TRAPPC3L: variants seen among roughly 807,000 people sequenced by gnomAD.
TRAPPC3L encodes the protein trafficking protein particle complex subunit 3L, also known as trafficking protein particle complex subunit 3-like protein.
A neutral mutation model predicts 23.7 loss-of-function variants in TRAPPC3L; 23 were observed. That is an observed-to-expected ratio of 0.97 (90% CI 0.70 to 1.37). The LOEUF (loss-of-function observed/expected upper bound fraction) is 1.37, where lower values mean the gene tolerates loss of function less well. Ranked by LOEUF, TRAPPC3L falls within the 40% of genes most tolerant of loss-of-function variation. The probability of loss-of-function intolerance (pLI) is 0.00; values close to 1 mark genes in which losing one functional copy is unlikely to be tolerated. For synonymous variants in TRAPPC3L, 81 were observed against 77.9 expected, an observed-to-expected ratio of 1.04 and a Z score of -0.21; for missense variants, 212 against 216.8, an observed-to-expected ratio of 0.98 and a Z score of 0.14.
intron 3 of TRAPPC3L, among the ~76,000 whole-genome samples, chr6:116,513,185 T>C (rs1772159143): frequency 6.6e-6 from 1 of 152,196 alleles, no homozygotes; most frequent in Non-Finnish European, 1.5e-5. Flanking sequence ...TTTTACTTTT[T>C]CGACAAGGAT....
At chr6:116,512,985 G>A (rs1434260220) in intron 3 of TRAPPC3L, among the ~76,000 whole-genome samples, 1 of 152,164 alleles carries the variant, frequency 6.6e-6, no homozygotes, top group African/African-American at 2.4e-5. Flanking sequence ...ATGCAGGGAA[G>A]TAGCCTGTCA....
chr6:116,512,887 C>T (rs902401422), intron 3 of TRAPPC3L, among the ~76,000 whole-genome samples: 2 of 152,150 alleles, frequency 1.3e-5, no homozygotes, highest in African/African-American at 4.8e-5. Context: ...TTGTGCTGTA[C>T]AGCTAAAGGG....
intron 3 of TRAPPC3L, among the ~76,000 whole-genome samples, chr6:116,502,982 C>T (rs1562336269): frequency 6.6e-6 from 1 of 152,118 alleles, no homozygotes. Flanking sequence ...GGCAAAATAA[C>T]CAGCTAGCAT....
intron 3 of TRAPPC3L, among the ~76,000 whole-genome samples, chr6:116,501,790 T>A (rs1771919773): frequency 1.3e-5 from 2 of 152,122 alleles, no homozygotes; most frequent in Non-Finnish European, 2.9e-5. Flanking sequence ...TGCCTGTCTG[T>A]TAGAAGGAAA....
chr6:116,505,979 C>T (rs2115158799), intron 3 of TRAPPC3L, among the ~76,000 whole-genome samples: 1 of 152,334 alleles, frequency 6.6e-6, no homozygotes, highest in African/African-American at 2.4e-5. Context: ...ATGACTAAAA[C>T]ACCAAAAGCA....
At chr6:116,527,277 G>C (rs185871505) in intron 3 of TRAPPC3L, among the ~76,000 whole-genome samples, 2 of 152,024 alleles carry the variant, frequency 1.3e-5, no homozygotes, top group African/African-American at 4.8e-5. Flanking sequence ...CAGCACTTTG[G>C]GGGGCCGAGA....
chr6:116,544,204 G>A (rs2115252603), intron 1 of TRAPPC3L, among the ~76,000 whole-genome samples: 1 of 149,426 alleles, frequency 6.7e-6, no homozygotes, highest in East Asian at 2.0e-4. Flanking sequence ...GTTGTGACTA[G>A]CAGTAAAACA....
intron 3 of TRAPPC3L, chr6:116,515,989 G>A (rs1294044373): frequency 1.3e-6 from 2 of 1,582,978 alleles, no homozygotes; most frequent in African/African-American, 2.7e-5. Context: ...ACAATATGTA[G>A]CTCATCCACC....
intron 1 of TRAPPC3L, chr6:116,543,820 C>T (rs899196835): frequency 6.5e-7 from 1 of 1,534,172 alleles, no homozygotes. Context: ...CCTAATGGCC[C>T]CCAGATCTGC....
rs370126388 is a variant in TRAPPC3L at position 116,500,652 on chromosome 6, C to T, written c.255G>A (p.Met85Ile). The change falls in exon 4 of 5, where the codon ATG (methionine) becomes ATA (isoleucine). Residue 85 changes from methionine to isoleucine, a missense_variant. By Grantham distance (10) the Met-to-Ile change is conservative. Transcript: ENST00000368602. The stretch of plus-strand genomic sequence containing the variant: ...TCACACTTGGTGTAATTCCCAGGTA[C>T]ATCTTGAAAGCAACCTGATAAGAAA... ...IDIIAQVAFKMYLGITPSVTC... is the reference protein window; with the variant it reads ...IDIIAQVAFKIYLGITPSVTC... 6.4e-6 allele frequency: 10 copies of T among 1,551,220 alleles called. No individual in the cohort carries two copies. In the African/African-American group the frequency reaches 1.2e-4, roughly 19 times the overall value.
At chr6:116,540,845 T>C (rs1216174868) in intron 2 of TRAPPC3L, among the ~76,000 whole-genome samples, 1 of 152,178 alleles carries the variant, frequency 6.6e-6, no homozygotes, top group African/African-American at 2.4e-5. Flanking sequence ...AAGCGTCTGC[T>C]ACATGTGTGA....
chr6:116,507,798 G>T (rs775978324), intron 3 of TRAPPC3L, among the ~76,000 whole-genome samples: 6 of 127,036 alleles, frequency 4.7e-5, no homozygotes, highest in Admixed American at 1.8e-4. Flanking sequence ...AAGTAACTTC[G>T]CAAAAACATC....
At chr6:116,520,795 T>C (rs180940600) in intron 3 of TRAPPC3L, 19 of 152,386 alleles carry the variant, frequency 1.2e-4, no homozygotes, top group Admixed American at 9.8e-4. Context: ...CAGTAGAGTA[T>C]GATAAAAATT....
At chr6:116,511,211 A>G (rs1384567230) in intron 3 of TRAPPC3L, among the ~76,000 whole-genome samples, 1 of 137,700 alleles carries the variant, frequency 7.3e-6, no homozygotes, top group East Asian at 2.3e-4. Flanking sequence ...TAATTTTCAT[A>G]TGTTTTTATA....
At chr6:116,536,483 G>A (rs1265432454) in intron 3 of TRAPPC3L, among the ~76,000 whole-genome samples, 1 of 152,206 alleles carries the variant, frequency 6.6e-6, no homozygotes, top group Non-Finnish European at 1.5e-5. Context: ...AAAGGCAGAG[G>A]CGTGCTGAGT....
Position 116,496,317 on chromosome 6 carries a change from T to G in TRAPPC3L, c.*637A>C, listed in dbSNP as rs1361423044. 3 of 152,200 alleles carry G rather than the reference T, an allele frequency of 2.0e-5. No individual in the cohort carries two copies. Among genetic ancestry groups the G allele is most frequent in the African/African-American group, 7.2e-5 (3 of 41,470 alleles). The allele number at this position is 152,200 out of a possible 1,614,324, so 9.4% of individuals were successfully genotyped here. On this transcript the variant is annotated 3_prime_UTR_variant, in exon 5 of 5. Coordinates refer to ENST00000368602, the MANE Select transcript of TRAPPC3L (RefSeq NM_001139444.3). ...TCATGAGAAAAGGAAGGAATTTGGT[T>G]GATGCCAGCTATATTAAAACTAAAT...
At chr6:116,536,484 C>T (rs1773101558) in intron 3 of TRAPPC3L, among the ~76,000 whole-genome samples, 1 of 152,192 alleles carries the variant, frequency 6.6e-6, no homozygotes, top group Non-Finnish European at 1.5e-5. Flanking sequence ...AAGGCAGAGG[C>T]GTGCTGAGTG....
At chr6:116,501,543 T>A (rs1312289163) in intron 3 of TRAPPC3L, among the ~76,000 whole-genome samples, 1 of 152,250 alleles carries the variant, frequency 6.6e-6, no homozygotes, top group Admixed American at 6.5e-5. Flanking sequence ...TGAGCTCCGA[T>A]AACAGACAGA....
chr6:116,542,509 C>T (rs1309516281), intron 2 of TRAPPC3L, among the ~76,000 whole-genome samples: 1 of 152,128 alleles, frequency 6.6e-6, no homozygotes, highest in Admixed American at 6.6e-5. Context: ...GATAAATCTT[C>T]TAACCAGTAC....
Sources: gnomAD v4.1 joint callset for allele counts (sites outside exome capture counted in the v4.1 genomes callset) on GRCh38, gnomAD v4.1.1 for gene constraint, MANE v1.5 for transcripts, NCBI Gene and HGNC (gene_info 2026-07-23, HGNC 2026-07-21) for gene names.